The following KCNH4 variants were observed in gnomAD, a reference collection of about 807,000 sequenced individuals.
KCNH4 encodes voltage-gated delayed rectifier potassium channel KCNH4.
KCNH4 carries 33 observed loss-of-function variants against 90.7 expected under a neutral mutation model. The observed-to-expected ratio is 0.36, with a 90% CI of 0.28 to 0.49. The LOEUF (loss-of-function observed/expected upper bound fraction) is 0.49. Among genes scored for constraint, KCNH4 ranks in the 20% least tolerant of loss-of-function variants. The pLI is 0.98. For missense variants in KCNH4, 1,044 were observed against 1,387.1 expected (o/e 0.75, Z 3.93); for synonymous variants, 551 against 581.7 (o/e 0.95, Z 0.76).
At chr17:42,165,297 T>C (rs769108958) in intron 11 of KCNH4, 152 bp downstream of exon 11, 67 of 962,576 alleles carry the variant, frequency 7.0e-5, no homozygotes, top group Non-Finnish European at 1.0e-4. Flanking sequence ...GGTTGGAAGG[T>C]ATGAAGCAGG....
Position 42,166,382 on chromosome 17 carries a change from G to A in KCNH4, c.1755C>T (p.Arg585=), listed in dbSNP as rs745574944. ...AATGTGCCTGCAGGGCATCCCCACGGCGCAACAGGTACTCGCCCGGAGCGC... is the reference window on the plus strand; with the variant it reads ...AATGTGCCTGCAGGGCATCCCCACGACGCAACAGGTACTCGCCCGGAGCGC... ...SFCAPGEYLL[R]RGDALQAHYY... The change falls in exon 10 of 17, where the codon CGC becomes CGT. Residue 585 remains arginine, a synonymous_variant. Coordinates refer to ENST00000264661, the MANE Select transcript of KCNH4 (RefSeq NM_012285.3). 1 of 1,613,930 alleles carries A rather than the reference G, an allele frequency of 6.2e-7. No individual in the cohort carries two copies. The highest frequency in any genetic ancestry group is 1.7e-5 in the Admixed American group (1 of 59,978).
In KCNH4 at chr17:42,171,909, A is replaced by G; in HGVS notation, c.1074T>C (p.Ser358=). The G allele has an allele frequency of 5.6e-6, 9 of 1,614,056 alleles. No homozygotes were observed. Among genetic ancestry groups the G allele is most frequent in the Non-Finnish European group, 7.6e-6 (9 of 1,180,010 alleles). The change falls in exon 7 of 17, where the codon AGT becomes AGC. Residue 358 remains serine (S), a synonymous_variant. Coordinates refer to ENST00000264661, the MANE Select transcript of KCNH4 (RefSeq NM_012285.3). ...LQKLERYSQC[S]AVVLTLLMSV... The stretch of plus-strand genomic sequence containing the variant: ...ACATGAGCAGCGTGAGCACCACAGC[A>G]CTGCACTGAGAGTACCGCTCCAGCT...
chr17:42,163,810 A>T lies in KCNH4; in HGVS notation c.2273T>A (p.Leu758Gln). 1.3e-6 allele frequency: 2 copies of T among 1,530,092 alleles called. No individual in the cohort carries two copies. The highest frequency in any genetic ancestry group is 1.8e-6 in the Non-Finnish European group (2 of 1,139,160). The allele number at this position is 1,530,092 out of a possible 1,614,324, so 94.8% of individuals were successfully genotyped here. ...CAGCTCCTCGCCCAAAAGGCTGACC[A>T]GGGAGCCCCGAGGCCGTGCTGGGCT... ...NLSPARPRGS[L>Q]VSLLGEELPP... Residue 758 changes from leucine to glutamine, a missense_variant, in exon 13 of 17, where the codon CTG (leucine) becomes CAG (glutamine). This residue lies in a region of KCNH4 where 441 missense variants were observed against 512.3 expected (regional missense o/e 0.86). Transcript: ENST00000264661. This position sits in a 1 kb window ranked among gnomAD's most constrained non-coding sequence, Gnocchi z 5.4.
At position 42,159,844 on chromosome 17, in the gene KCNH4, G is replaced by A. The variant is rs1208617575; in HGVS notation, c.*196C>T. ...GCCCTCAGGTGGCTCCCCTCACAGAGGGGGAGGTTGGGGAAGGCTTGGAAA... is the reference window on the plus strand; with the variant it reads ...GCCCTCAGGTGGCTCCCCTCACAGAAGGGGAGGTTGGGGAAGGCTTGGAAA... On this transcript the variant is annotated 3_prime_UTR_variant, in exon 16 of 17. Transcript: ENST00000264661. 2.3e-6 allele frequency: 1 copy of A among 439,034 alleles called. No homozygotes were observed. Among genetic ancestry groups the A allele is most frequent in the African/African-American group, 2.0e-5 (1 of 49,622 alleles). The allele number at this position is 439,034 out of a possible 1,614,324, so 27.2% of individuals were successfully genotyped here.
chr17:42,158,703 C>T lies in KCNH4; in HGVS notation c.*309+1028G>A, dbSNP rs1463439794. ...ACAAAAAATTAGCCGGGTGTGGTGG[C>T]GGGCGCCTGTAGTCCCAGCTACTTG... is the stretch of plus-strand genomic sequence containing the variant. On this transcript the variant is annotated intron_variant, in intron 16 of 16. Transcript: ENST00000264661. 1.0e-4 allele frequency among the ~76,000 whole-genome samples: 15 copies of T among 150,254 alleles called. No individual in the cohort carries two copies. The East Asian group carries it at 2.0e-3, about 20-fold the overall frequency.
rs1274072766 is a variant in KCNH4, at chr17:42,169,338, C to T, written c.1590+139G>A. 6 of 790,798 alleles carry T rather than the reference C, an allele frequency of 7.6e-6. No homozygotes were observed. In the South Asian group the frequency reaches 8.4e-5, roughly 11 times the overall value. 49.0% of individuals were successfully genotyped at this position (790,798 alleles called of 1,614,324 possible). Reference sequence around the variant, plus strand: ...CAAGTGACCTGCCCGCCTCAGCCTCCCAAAGTGCTGGGATTACAGGTGTGA... The same window carrying T: ...CAAGTGACCTGCCCGCCTCAGCCTCTCAAAGTGCTGGGATTACAGGTGTGA... On this transcript the variant is annotated intron_variant, in intron 9 of 16. Coordinates refer to ENST00000264661, the MANE Select transcript of KCNH4 (RefSeq NM_012285.3).
intron 5 of KCNH4, 40 bp downstream of exon 5, chr17:42,176,014 C>G: frequency 6.4e-7 from 1 of 1,561,780 alleles, no homozygotes; most frequent in Non-Finnish European, 8.7e-7. Context: ...GTGGATCCCC[C>G]CAGCCGACCC....
At position 42,166,528 on chromosome 17, in the gene KCNH4, C is replaced by G; in HGVS notation, c.1609G>C (p.Asp537His). 1 of 1,612,620 alleles carries G rather than the reference C, an allele frequency of 6.2e-7. No individual in the cohort carries two copies. The highest frequency in any genetic ancestry group is 8.5e-7 in the Non-Finnish European group (1 of 1,178,736). The change falls in exon 10 of 17, where the codon GAC becomes CAC. Residue 537 changes from aspartate to histidine, a missense_variant. Coordinates refer to ENST00000264661, the MANE Select transcript of KCNH4 (RefSeq NM_012285.3). Reference protein sequence around the residue: ...DANELLRDFPDELRADIAMHL... With the variant: ...DANELLRDFPHELRADIAMHL... ...ATAGCAATGTCAGCTCTCAGCTCGTCTGGGAAGTCACGCAGTAACTGCATA... is the reference window on the plus strand; with the variant it reads ...ATAGCAATGTCAGCTCTCAGCTCGTGTGGGAAGTCACGCAGTAACTGCATA...
At position 42,169,560 on chromosome 17, in the gene KCNH4, G is replaced by A. The variant is rs763598567; in HGVS notation, c.1507C>T (p.Arg503Cys). ...KDLKDFIRVH[R>C]LPRPLKQRML... ...CGCTGCTTGAGCGGCCGCGGCAGGC[G>A]GTGCACACGGATGAAGTCCTTGAGG... Residue 503 changes from arginine (R) to cysteine (C), a missense_variant, in exon 9 of 17, where the codon CGC becomes TGC. Around this residue, in one of 4 missense-constraint regions of KCNH4, gnomAD observed 318 missense variants for 479.6 expected, o/e 0.66. Coordinates refer to ENST00000264661, the MANE Select transcript of KCNH4 (RefSeq NM_012285.3). 20 of 1,613,602 alleles carry A rather than the reference G, an allele frequency of 1.2e-5. No individual in the cohort carries two copies. The highest frequency in any genetic ancestry group is 2.2e-5 in the East Asian group (1 of 44,900).
chr17:42,163,493 G>A lies in KCNH4; in HGVS notation c.2477+113C>T, dbSNP rs915226885. ...AGCTGTGGTTGGAAGGGTGCGGTGG[G>A]CACACGGGCAGAGACGGAATGTAGC... On this transcript the variant is annotated intron_variant, in intron 13 of 16. Transcript: ENST00000264661. This position sits in a 1 kb window ranked among gnomAD's most constrained non-coding sequence, Gnocchi z 5.4. 5.4e-6 allele frequency: 4 copies of A among 742,604 alleles called. No homozygotes were observed. Among genetic ancestry groups the A allele is most frequent in the Non-Finnish European group, 4.5e-6 (2 of 445,012 alleles). 46.0% of individuals were successfully genotyped at this position (742,604 alleles called of 1,614,324 possible).
rs535458217 is a variant in KCNH4, at chr17:42,177,828, G to A, written c.585+272C>T. Among the ~76,000 whole-genome samples, 11 of 152,356 alleles carry A rather than the reference G, an allele frequency of 7.2e-5. No individual in the cohort carries two copies. In the South Asian group the frequency reaches 2.1e-3, roughly 29 times the overall value. ...GTATAACCCTATCACCCCCGGGCAGGTGAGGTCATTGCTGCTAGAGCAATG... is the reference window on the plus strand; with the variant it reads ...GTATAACCCTATCACCCCCGGGCAGATGAGGTCATTGCTGCTAGAGCAATG... On this transcript the variant is annotated intron_variant, in intron 4 of 16. Transcript: ENST00000264661.
intron 14 of KCNH4, among the ~76,000 whole-genome samples, chr17:42,162,973 G>A (rs754745192): frequency 1.3e-5 from 2 of 152,210 alleles, no homozygotes; most frequent in Non-Finnish European, 2.9e-5. Flanking sequence ...CTGCAAGGAA[G>A]TCGAGTGAGC....
rs1043974481 is a variant in KCNH4, at chr17:42,164,310, TCAAA to T, written c.2086-146_2086-143del. On this transcript the variant is annotated intron_variant, in intron 11 of 16. Transcript: ENST00000264661. ...CTGAGTCAGAAACTATAACCCTAAC[TCAAA>T]CAAACACTGCATATCAAAGTGAGAC... 4.4e-5 allele frequency: 31 copies of T among 707,544 alleles called. No individual in the cohort carries two copies. The African/African-American group carries it at 5.3e-4, about 12-fold the overall frequency. 43.8% of individuals were successfully genotyped at this position (707,544 alleles called of 1,614,324 possible).
intron 11 of KCNH4, among the ~76,000 whole-genome samples, chr17:42,165,064 C>T (rs557673225): frequency 2.6e-5 from 4 of 151,914 alleles, no homozygotes; most frequent in Admixed American, 2.0e-4. Flanking sequence ...CAAGATCGCG[C>T]CACTGCACTC....
intron 15 of KCNH4, 101 bp downstream of exon 15, chr17:42,162,147 T>C (rs887091195): frequency 4.2e-6 from 4 of 952,666 alleles, no homozygotes; most frequent in Non-Finnish European, 6.6e-6. Context: ...GGTTTCATCA[T>C]GTTGGCCAGG....
At chr17:42,169,429 C>T in intron 9 of KCNH4, 48 bp downstream of exon 9, 1 of 1,572,732 alleles carries the variant, frequency 6.4e-7, no homozygotes, top group Non-Finnish European at 8.7e-7. Flanking sequence ...CACCCCACTG[C>T]AGGGCCACGC....
At chr17:42,168,928 T>A (rs2079806914) in intron 9 of KCNH4, among the ~76,000 whole-genome samples, 1 of 151,198 alleles carries the variant, frequency 6.6e-6, no homozygotes, top group Admixed American at 6.6e-5. Flanking sequence ...CACGCTGCCA[T>A]GCCCGGCTAA....
chr17:42,180,416 G>A lies in KCNH4; in HGVS notation c.76+454C>T, dbSNP rs994564348. ...CTGACGCCCCACGATTTGGGGGCGC[G>A]CGACCTCAATCCAAACTAGGTCCTG... On this transcript the variant is annotated intron_variant, in intron 1 of 16. Coordinates refer to ENST00000264661, the MANE Select transcript of KCNH4 (RefSeq NM_012285.3). This position sits in a 1 kb window ranked among gnomAD's most constrained non-coding sequence, Gnocchi z 4.7. Among the ~76,000 whole-genome samples the A allele has an allele frequency of 2.0e-5, 3 of 152,082 alleles. No individual in the cohort carries two copies. Among genetic ancestry groups the A allele is most frequent in the African/African-American group, 7.2e-5 (3 of 41,396 alleles).
chr17:42,171,539 G>T (rs191291914), intron 7 of KCNH4, among the ~76,000 whole-genome samples: 1 of 152,026 alleles, frequency 6.6e-6, no homozygotes, highest in Non-Finnish European at 1.5e-5. Flanking sequence ...TGTTTCCTGC[G>T]TTGTACTTTG....
Sources: gnomAD v4.1 joint callset for allele counts (sites outside exome capture counted in the v4.1 genomes callset) on GRCh38, gnomAD v4.1.1 for gene constraint, gnomAD v4.1.1 regional missense constraint, Gnocchi (gnomAD v3.1) non-coding constraint, MANE v1.5 for transcripts, NCBI Gene and HGNC (gene_info 2026-07-23, HGNC 2026-07-21) for gene names.